The following TELO2 variants were observed in gnomAD, a reference collection of about 807,000 sequenced individuals.
TELO2 encodes the protein telomere maintenance 2.
A neutral mutation model predicts 91.0 loss-of-function variants in TELO2; 71 were observed. The ratio of observed to expected loss-of-function variants is 0.78; its 90% CI spans 0.64 to 0.95. TELO2 has a LOEUF of 0.95. Among genes scored for constraint, TELO2 ranks in the 40% least tolerant of loss-of-function variants. The pLI, the probability that TELO2 is intolerant of heterozygous loss-of-function variation, is 0.00. For synonymous variants in TELO2, 584 were observed against 518.9 expected, an observed-to-expected ratio of 1.13 and a Z score of -1.71; for missense variants, 1,183 against 1,141.3, an observed-to-expected ratio of 1.04 and a Z score of -0.53.
In TELO2 at chr16:1,497,470, G is replaced by A; in HGVS notation, c.792G>A (p.Met264Ile). Residue 264 changes from methionine to isoleucine, a missense_variant, in exon 5 of 21, where the codon ATG becomes ATA. Met to Ile is a conservative substitution (Grantham distance 10, BLOSUM62 1). Transcript: ENST00000262319. This position sits in a 1 kb window ranked among gnomAD's most constrained non-coding sequence, Gnocchi z 4.0. ...TGGAGCAAGTGCCGGACCGGGCCAT[G>A]GAGGCTGTGCTGACCGGGCTGGTGG... ...RLVEQVPDRA[M>I]EAVLTGLVEA... The A allele has an allele frequency of 6.3e-7, 1 of 1,575,410 alleles. No individual in the cohort carries two copies. The highest frequency in any genetic ancestry group is 8.6e-7 in the Non-Finnish European group (1 of 1,162,532).
At chr16:1,506,642 C>T (rs1003736740) in intron 17 of TELO2, 3 of 1,377,608 alleles carry the variant, frequency 2.2e-6, no homozygotes, top group Non-Finnish European at 2.8e-6. Context: ...TCAGCCGGCG[C>T]TGCACTGGCC....
In TELO2 at chr16:1,493,567, C is replaced by G. The variant is rs2272972; in HGVS notation, c.-75C>G. 77,937 of 152,108 alleles carry G rather than the reference C, an allele frequency of 0.51. 23,228 individuals carry two copies. Among genetic ancestry groups the G allele is most frequent in the African/African-American group, 0.83 (34,337 of 41,520 alleles). 9.4% of individuals were successfully genotyped at this position (152,108 alleles called of 1,614,324 possible). A position where few individuals can be genotyped will look rare whatever the true frequency, so the allele number is the denominator to read the frequency against. ...GCTGCAGCGAATCGGTGGCGCGCGG[C>G]GCCTGAGCGCGCTGCAGTCACCCGG... is the stretch of plus-strand genomic sequence containing the variant. On this transcript the variant is annotated 5_prime_UTR_variant, in exon 1 of 21. Transcript: ENST00000262319. This position sits in a 1 kb window ranked among gnomAD's most constrained non-coding sequence, Gnocchi z 4.3.
rs2039842962 is a variant in TELO2, at chr16:1,505,144, T to C, written c.1843-266T>C. On this transcript the variant is annotated intron_variant, in intron 15 of 20. Coordinates refer to ENST00000262319, the MANE Select transcript of TELO2 (RefSeq NM_016111.4). The surrounding 1 kb of genome is among the most constrained non-coding windows in gnomAD (Gnocchi z 4.3). ...GCATGTGGCTCTGGCGTGGCGGGAC[T>C]GCGTGGCTTTAGGATGAGGCTGCGC... 4.4e-6 allele frequency: 2 copies of C among 449,642 alleles called. No individual in the cohort carries two copies. Among genetic ancestry groups the C allele is most frequent in the Non-Finnish European group, 8.0e-6 (2 of 249,690 alleles). 27.9% of individuals were successfully genotyped at this position (449,642 alleles called of 1,614,324 possible). A position where few individuals can be genotyped will look rare whatever the true frequency, so the allele number is the denominator to read the frequency against.
chr16:1,502,363 C>A lies in TELO2; in HGVS notation c.1612C>A (p.Leu538Ile). 6.2e-7 allele frequency: 1 copy of A among 1,605,858 alleles called. No individual in the cohort carries two copies. Among genetic ancestry groups the A allele is most frequent in the Non-Finnish European group, 8.5e-7 (1 of 1,177,916 alleles). Reference protein sequence around the residue: ...IERWEAALRALEGLVYRSPTA... With the variant: ...IERWEAALRAIEGLVYRSPTA... ...GCGCTGGGAGGCAGCCCTGCGGGCC[C>A]TTGAGGGCCTGGTCTACAGGAGCCC... Residue 538 changes from leucine (L) to isoleucine (I), a missense_variant, in exon 13 of 21, where the codon CTT (leucine) becomes ATT (isoleucine). By Grantham distance (5) the Leu-to-Ile change is conservative. Transcript: ENST00000262319.
Position 1,505,707 on chromosome 16 carries a change from C to A in TELO2, c.2034+106C>A. 1 of 1,344,070 alleles carries A rather than the reference C, an allele frequency of 7.4e-7. No homozygotes were observed. Among genetic ancestry groups the A allele is most frequent in the Non-Finnish European group, 1.0e-6 (1 of 997,714 alleles). 83.3% of individuals were successfully genotyped at this position (1,344,070 alleles called of 1,614,324 possible). A position where few individuals can be genotyped will look rare whatever the true frequency, so the allele number is the denominator to read the frequency against. Reference sequence around the variant, plus strand: ...GTCTGCAGCGAGGGGCGGCCACATTCGCTGGGGATGGTGCCTTTGCCGGGA... The same window carrying A: ...GTCTGCAGCGAGGGGCGGCCACATTAGCTGGGGATGGTGCCTTTGCCGGGA... On this transcript the variant is annotated intron_variant, in intron 16 of 20. Coordinates refer to ENST00000262319, the MANE Select transcript of TELO2 (RefSeq NM_016111.4). The surrounding 1 kb of genome is among the most constrained non-coding windows in gnomAD (Gnocchi z 4.3).
rs779063796 is a variant in TELO2 at position 1,495,391 on chromosome 16, C to T, written c.381C>T (p.Phe127=). 3.2e-6 allele frequency: 5 copies of T among 1,574,138 alleles called. No homozygotes were observed. The highest frequency in any genetic ancestry group is 2.7e-5 in the African/African-American group (2 of 73,900). The stretch of plus-strand genomic sequence containing the variant: ...AGATGGCGCGGCTGCTGGCCAGATT[C>T]CTGCGCGAGGGCCGGCTGGCAGTGC... The part of the protein sequence containing the change: ...LMKMARLLAR[F]LREGRLAVLM... Residue 127 remains phenylalanine (F), a synonymous_variant, in exon 3 of 21, where the codon TTC becomes TTT. Coordinates refer to ENST00000262319, the MANE Select transcript of TELO2 (RefSeq NM_016111.4).
rs1187955117 is a variant in TELO2, at chr16:1,506,214, G to C, written c.2035-24G>C. ...CCGCTGCCCAAGCCTGCACCTCCGT[G>C]ATCGCTGTAGTTGTGTCTGGCAGGG... On this transcript the variant is annotated intron_variant, in intron 16 of 20. Coordinates refer to ENST00000262319, the MANE Select transcript of TELO2 (RefSeq NM_016111.4). 13 of 1,612,328 alleles carry C rather than the reference G, an allele frequency of 8.1e-6. No homozygotes were observed. In the Admixed American group the frequency reaches 1.5e-4, roughly 19 times the overall value.
chr16:1,499,384 A>C (rs540233352), intron 6 of TELO2, 51 bp downstream of exon 6: 1 of 1,587,234 alleles, frequency 6.3e-7, no homozygotes, highest in African/African-American at 1.3e-5. Flanking sequence ...TCACAGCAAG[A>C]ATGGCTGCAA....
Position 1,506,267 on chromosome 16 carries a change from C to T in TELO2, c.2064C>T (p.Ser688=). 1.9e-6 allele frequency: 3 copies of T among 1,613,782 alleles called. No homozygotes were observed. Among genetic ancestry groups the T allele is most frequent in the Non-Finnish European group, 2.5e-6 (3 of 1,180,010 alleles). ...GCCCGAGGCAGGGCCCGGCAGGCAG[C>T]CCCAGCAGATTCAACTCCGTGGCCG... is the stretch of plus-strand genomic sequence containing the variant. ...KGGPRQGPAG[S]PSRFNSVAGH... Residue 688 remains serine, a synonymous_variant, in exon 17 of 21, where the codon AGC becomes AGT. Coordinates refer to ENST00000262319, the MANE Select transcript of TELO2 (RefSeq NM_016111.4).
chr16:1,498,632 C>T (rs1331181142), intron 5 of TELO2, among the ~76,000 whole-genome samples: 1 of 152,112 alleles, frequency 6.6e-6, no homozygotes. Context: ...CGACGGGGCT[C>T]ACTTTGTTGC....
At chr16:1,509,075 G>A (rs2040020439) in intron 20 of TELO2, among the ~76,000 whole-genome samples, 1 of 152,094 alleles carries the variant, frequency 6.6e-6, no homozygotes, top group African/African-American at 2.4e-5. Flanking sequence ...GGGCTGGGTG[G>A]GCGGGCACAT....
rs776915614 is a variant in TELO2 at position 1,500,574 on chromosome 16, A to C, written c.1156A>C (p.Ser386Arg). The part of the protein sequence containing the change: ...LRDSRDELLA[S>R]MMAGVKCRLD... ...TCCGGTGCTTGCAGAACTGCTGGCC[A>C]GCATGATGGCGGGCGTGAAGTGCCG... The change falls in exon 9 of 21, where the codon AGC becomes CGC. Residue 386 changes from serine to arginine, a missense_variant. By Grantham distance (110) the Ser-to-Arg change is moderately radical. Transcript: ENST00000262319. The C allele has an allele frequency of 6.2e-7, 1 of 1,612,046 alleles. No homozygotes were observed. The highest frequency in any genetic ancestry group is 1.1e-5 in the South Asian group (1 of 90,994).
intron 13 of TELO2, 57 bp from the exon 14 acceptor site, chr16:1,502,588 A>AGGCCTCGGCGG: frequency 6.3e-7 from 1 of 1,578,914 alleles, no homozygotes; most frequent in South Asian, 1.1e-5. Flanking sequence ...AGCCTCGGTG[A>AGGCCTCGGCGG]GGCCTCGGCG....
chr16:1,501,728 G>C lies in TELO2; in HGVS notation c.1427G>C (p.Gly476Ala), dbSNP rs756519824. The C allele has an allele frequency of 1.1e-5, 18 of 1,612,056 alleles. No individual in the cohort carries two copies. In the South Asian group the frequency reaches 1.9e-4, roughly 17 times the overall value. The change falls in exon 11 of 21, where the codon GGC becomes GCC. Residue 476 changes from glycine to alanine, a missense_variant. Gly to Ala is a moderately conservative substitution (Grantham distance 60). Coordinates refer to ENST00000262319, the MANE Select transcript of TELO2 (RefSeq NM_016111.4). ...ACCCCCGCAGAGATCGTGGATGGCG[G>C]CGTCCCCCAAGCACAGCTGGCGGGC... ...AETPAEIVDG[G>A]VPQAQLAGSD...
intron 3 of TELO2, 148 bp downstream of exon 3, chr16:1,495,771 T>C (rs2039469370): frequency 1.7e-6 from 2 of 1,186,348 alleles, no homozygotes; most frequent in Non-Finnish European, 1.2e-6. Flanking sequence ...TCCCGCACAG[T>C]AGTGACCGGC....
At position 1,505,121 on chromosome 16, in the gene TELO2, A is replaced by T; in HGVS notation, c.1843-289A>T. On this transcript the variant is annotated intron_variant, in intron 15 of 20. Transcript: ENST00000262319. The surrounding 1 kb of genome is among the most constrained non-coding windows in gnomAD (Gnocchi z 4.3). The stretch of plus-strand genomic sequence containing the variant: ...GAGGCCGACTTCCTGGGATAAGGGC[A>T]TGTGGCTCTGGCGTGGCGGGACTGC... The T allele has an allele frequency of 2.6e-6, 1 of 385,954 alleles. No individual in the cohort carries two copies. Among genetic ancestry groups the T allele is most frequent in the South Asian group, 5.1e-5 (1 of 19,524 alleles). The allele number at this position is 385,954 out of a possible 1,614,324, so 23.9% of individuals were successfully genotyped here. A position where few individuals can be genotyped will look rare whatever the true frequency, so the allele number is the denominator to read the frequency against.
chr16:1,509,505 C>T (rs934918330), intron 20 of TELO2, among the ~76,000 whole-genome samples: 3 of 152,378 alleles, frequency 2.0e-5, no homozygotes, highest in Admixed American at 2.0e-4. Flanking sequence ...CACCTCCGAC[C>T]ACAGCCCTTG....
At chr16:1,496,166 G>A (rs571431806) in intron 3 of TELO2, among the ~76,000 whole-genome samples, 2 of 152,334 alleles carry the variant, frequency 1.3e-5, no homozygotes, top group South Asian at 4.1e-4. Flanking sequence ...CCAGGCGACA[G>A]CTCAGACGCA....
At position 1,499,285 on chromosome 16, in the gene TELO2, C is replaced by T. The variant is rs373799263; in HGVS notation, c.885C>T (p.Ala295=). 6 of 1,613,918 alleles carry T rather than the reference C, an allele frequency of 3.7e-6. No homozygotes were observed. Among genetic ancestry groups the T allele is most frequent in the Non-Finnish European group, 3.4e-6 (4 of 1,180,024 alleles). The part of the protein sequence containing the change: ...LGNLVVKNKK[A]QFVMTQKLLF... ...ACCTGGTGGTGAAGAACAAGAAGGC[C>T]CAGTTTGTGATGACCCAGAAGCTTC... Residue 295 remains alanine (A), a synonymous_variant, in exon 6 of 21, where the codon GCC becomes GCT. Coordinates refer to ENST00000262319, the MANE Select transcript of TELO2 (RefSeq NM_016111.4).
Sources: allele counts gnomAD v4.1 joint callset (sites outside exome capture counted in the v4.1 genomes callset), GRCh38; gene constraint gnomAD v4.1.1; non-coding constraint Gnocchi (gnomAD v3.1); transcripts MANE v1.5; gene names NCBI Gene and HGNC (gene_info 2026-07-23, HGNC 2026-07-21).